The following UNC5D variants were observed in gnomAD, a reference collection of about 807,000 sequenced individuals.
UNC5D encodes the protein unc-5 netrin receptor D, also known as netrin receptor UNC5D.
A neutral mutation model predicts 105.4 loss-of-function variants in UNC5D; 39 were observed. The ratio of observed to expected loss-of-function variants is 0.37; its 90% CI spans 0.29 to 0.48. The LOEUF (loss-of-function observed/expected upper bound fraction) is 0.48. UNC5D is among the 20% of genes least tolerant of loss of function. The pLI, the probability that UNC5D is intolerant of heterozygous loss-of-function variation, is 0.98. For missense variants in UNC5D, 991 were observed against 1,202.4 expected (o/e 0.82, Z 2.60); for synonymous variants, 452 against 450.4 (o/e 1.00, Z -0.04).
chr8:35,621,960 A>T (rs757352447), intron 4 of UNC5D, among the ~76,000 whole-genome samples: 2 of 152,230 alleles, frequency 1.3e-5, no homozygotes, highest in Non-Finnish European at 2.9e-5. Flanking sequence ...AGGAAAGCTT[A>T]AATCTCTTGT....
chr8:35,552,429 A>T (rs1331898456), intron 2 of UNC5D, among the ~76,000 whole-genome samples: 1 of 152,214 alleles, frequency 6.6e-6, no homozygotes, highest in African/African-American at 2.4e-5. Context: ...GGATGGATTG[A>T]AGTACATGGC....
At position 35,731,052 on chromosome 8, in the gene UNC5D, G is replaced by C; in HGVS notation, c.1722G>C (p.Glu574Asp). The C allele has an allele frequency of 6.2e-7, 1 of 1,613,952 alleles. No homozygotes were observed. Among genetic ancestry groups the C allele is most frequent in the South Asian group, 1.1e-5 (1 of 91,082 alleles). Reference protein sequence around the residue: ...LLIPHGAIPEENSWEIYMSIN... With the variant: ...LLIPHGAIPEDNSWEIYMSIN... ...TACCACACGGTGCCATCCCAGAGGA[G>C]AATTCTTGGGAGATTTATATGTCCA... Residue 574 changes from glutamate to aspartate, a missense_variant, in exon 11 of 17, where the codon GAG (glutamate) becomes GAC (aspartate). By Grantham distance (45) the Glu-to-Asp change is conservative. Transcript: ENST00000404895.
intron 1 of UNC5D, among the ~76,000 whole-genome samples, chr8:35,451,065 C>T (rs1227679608): frequency 5.7e-5 from 7 of 122,550 alleles, no homozygotes; most frequent in African/African-American, 3.1e-5. Flanking sequence ...TTTTTTGAGA[C>T]ACAGTTTTGC....
chr8:35,532,522 G>C (rs1242378969), intron 1 of UNC5D, among the ~76,000 whole-genome samples: 2 of 61,558 alleles, frequency 3.2e-5, no homozygotes. Context: ...ACAATTATGT[G>C]TCTTGGAGTT....
chr8:35,264,853 TAA>T (rs1362602364), intron 1 of UNC5D, among the ~76,000 whole-genome samples: 1 of 152,182 alleles, frequency 6.6e-6, no homozygotes, highest in Non-Finnish European at 1.5e-5. Context: ...TGAGATGTGT[TAA>T]GAGTAGAGTG....
intron 8 of UNC5D, among the ~76,000 whole-genome samples, chr8:35,715,974 A>G (rs1828229569): frequency 6.6e-6 from 1 of 152,158 alleles, no homozygotes; most frequent in Non-Finnish European, 1.5e-5. Flanking sequence ...CAATTTGGCC[A>G]TAGAATGTGA....
intron 1 of UNC5D, among the ~76,000 whole-genome samples, chr8:35,330,989 A>C (rs976050012): frequency 7.9e-5 from 12 of 152,154 alleles, no homozygotes; most frequent in Non-Finnish European, 1.3e-4. Context: ...GGGGCTGCTC[A>C]GGGTTGCTTT....
At chr8:35,344,789 G>A (rs1811685667) in intron 1 of UNC5D, among the ~76,000 whole-genome samples, 1 of 151,884 alleles carries the variant, frequency 6.6e-6, no homozygotes, top group African/African-American at 2.4e-5. Context: ...AATGTTACAT[G>A]GGGGATGAGG....
chr8:35,428,520 C>T, intron 1 of UNC5D, among the ~76,000 whole-genome samples: 1 of 151,864 alleles, frequency 6.6e-6, no homozygotes. Context: ...ATGGATTGTG[C>T]TCCTCCTTGG....
intron 1 of UNC5D, among the ~76,000 whole-genome samples, chr8:35,514,240 TTGCTAGTG>T (rs1425997597): frequency 6.6e-6 from 1 of 152,154 alleles, no homozygotes; most frequent in East Asian, 1.9e-4. Context: ...CCAACCCAGA[TTGCTAGTG>T]TGCAACCTTC....
At chr8:35,295,309 C>T (rs1807398407) in intron 1 of UNC5D, among the ~76,000 whole-genome samples, 1 of 151,900 alleles carries the variant, frequency 6.6e-6, no homozygotes, top group Non-Finnish European at 1.5e-5. Flanking sequence ...ATACTTTGTG[C>T]ATTAATGACA....
At chr8:35,244,361 C>T (rs756698587) in intron 1 of UNC5D, among the ~76,000 whole-genome samples, 1 of 152,120 alleles carries the variant, frequency 6.6e-6, no homozygotes, top group African/African-American at 2.4e-5. Context: ...CAGCACTTCA[C>T]TCATAGTCCA....
chr8:35,624,095 T>A lies in UNC5D; in HGVS notation c.570+28438T>A, dbSNP rs1421234277. On this transcript the variant is annotated intron_variant, in intron 4 of 16. Coordinates refer to ENST00000404895, the MANE Select transcript of UNC5D (RefSeq NM_080872.4). ...ACTCCACCTCAAAAAGAAAAAAAAA[T>A]TCATTAGTCTTATTTTTCCTGTTTC... Among the ~76,000 whole-genome samples, 5 of 151,902 alleles carry A rather than the reference T, an allele frequency of 3.3e-5. No individual in the cohort carries two copies. In the South Asian group the frequency reaches 8.4e-4, roughly 25 times the overall value.
chr8:35,495,921 GA>G (rs1811556620), intron 1 of UNC5D, among the ~76,000 whole-genome samples: 1 of 152,096 alleles, frequency 6.6e-6, no homozygotes, highest in Non-Finnish European at 1.5e-5. Flanking sequence ...ATACAATGCT[GA>G]AAAAAGGGGC....
chr8:35,564,948 G>T (rs1817228693), intron 2 of UNC5D, among the ~76,000 whole-genome samples: 2 of 152,134 alleles, frequency 1.3e-5, no homozygotes, highest in African/African-American at 4.8e-5. Context: ...TTGTGGCTGA[G>T]TGGCGCTCCA....
chr8:35,599,085 G>C (rs1263742923), intron 4 of UNC5D, among the ~76,000 whole-genome samples: 2 of 140,888 alleles, frequency 1.4e-5, no homozygotes, highest in East Asian at 4.4e-4. Context: ...AGAGGTTGCA[G>C]TGAGCCAGGA....
At chr8:35,687,844 A>T (rs192273993) in intron 7 of UNC5D, among the ~76,000 whole-genome samples, 43 of 152,230 alleles carry the variant, frequency 2.8e-4, no homozygotes, top group Admixed American at 1.5e-3. Context: ...CTTGATAGGG[A>T]TCTCTTCTCC....
At chr8:35,343,173 A>G (rs1585629244) in intron 1 of UNC5D, among the ~76,000 whole-genome samples, 1 of 152,044 alleles carries the variant, frequency 6.6e-6, no homozygotes. Context: ...TTAAGATACA[A>G]ATTGTTTTTG....
chr8:35,654,488 C>G (rs1823612767), intron 4 of UNC5D, among the ~76,000 whole-genome samples: 1 of 152,198 alleles, frequency 6.6e-6, no homozygotes, highest in Non-Finnish European at 1.5e-5. Context: ...GCGTGGCTCA[C>G]TACCCTGGGG....
Sources: allele counts gnomAD v4.1 joint callset (sites outside exome capture counted in the v4.1 genomes callset), GRCh38; gene constraint gnomAD v4.1.1; transcripts MANE v1.5; gene names NCBI Gene and HGNC (gene_info 2026-07-23, HGNC 2026-07-21).